SPATS2: variants seen among roughly 807,000 people sequenced by gnomAD.
SPATS2 encodes the protein spermatogenesis associated serine rich 2.
A neutral mutation model predicts 63.7 loss-of-function variants in SPATS2; 38 were observed. The ratio of observed to expected loss-of-function variants is 0.60; its 90% CI spans 0.46 to 0.78. The LOEUF is 0.78. SPATS2 is among the 30% of genes least tolerant of loss of function. SPATS2 has a pLI of 0.00. For synonymous variants in SPATS2, 207 were observed against 232.9 expected (o/e 0.89, Z 1.01); for missense variants, 588 against 666.2 (o/e 0.88, Z 1.29).
chr12:49,516,185 AT>A lies in SPATS2; in HGVS notation c.898+1573del, dbSNP rs1565760876. Among the ~76,000 whole-genome samples the A allele has an allele frequency of 1.0e-3, 105 of 101,576 alleles. 14 individuals are homozygous for A. The highest frequency in any genetic ancestry group is 2.5e-3 in the African/African-American group (73 of 29,418). 66.6% of individuals were successfully genotyped at this position (101,576 alleles called of 152,430 possible). ...AAAAAAAATATATATATATATATAT[AT>A]ATATATATATATATATATATATAAA... On this transcript the variant is annotated intron_variant, in intron 10 of 13. Transcript: ENST00000552918.
chr12:49,522,791 G>T lies in SPATS2; in HGVS notation c.1049G>T (p.Arg350Leu). ...CGTAAATATGATGAGGATCTGGGACGAGTAGCCCGGTTCACCTGTGATGTA... is the reference window on the plus strand; with the variant it reads ...CGTAAATATGATGAGGATCTGGGACTAGTAGCCCGGTTCACCTGTGATGTA... ...SERKYDEDLG[R>L]VARFTCDVET... The change falls in exon 12 of 14, where the codon CGA becomes CTA. Residue 350 changes from arginine to leucine, a missense_variant. Coordinates refer to ENST00000552918, the MANE Select transcript of SPATS2 (RefSeq NM_023071.4). The T allele has an allele frequency of 6.2e-7, 1 of 1,613,794 alleles. No homozygotes were observed. The highest frequency in any genetic ancestry group is 1.1e-5 in the South Asian group (1 of 91,054).
intron 2 of SPATS2, among the ~76,000 whole-genome samples, chr12:49,445,523 C>A (rs1193090031): frequency 2.0e-5 from 3 of 151,232 alleles, no homozygotes; most frequent in African/African-American, 7.3e-5. Flanking sequence ...TTTTCTTTAT[C>A]TTTTCTCTTT....
At chr12:49,427,749 T>G (rs1945106205) in intron 2 of SPATS2, among the ~76,000 whole-genome samples, 2 of 152,288 alleles carry the variant, frequency 1.3e-5, no homozygotes, top group Non-Finnish European at 2.9e-5. Context: ...TTCAAGAAAT[T>G]TATTACCTAA....
chr12:49,400,456 G>T (rs1353753282), intron 2 of SPATS2, among the ~76,000 whole-genome samples: 1 of 152,172 alleles, frequency 6.6e-6, no homozygotes, highest in Non-Finnish European at 1.5e-5. Flanking sequence ...TGTTTCTACA[G>T]TGCTGATGAG....
intron 2 of SPATS2, among the ~76,000 whole-genome samples, chr12:49,457,638 G>A (rs868313686): frequency 2.0e-5 from 3 of 152,036 alleles, no homozygotes; most frequent in Admixed American, 6.6e-5. Context: ...TCACCATGCC[G>A]GTCAGACTGG....
At chr12:49,504,417 G>A (rs1946620613) in intron 9 of SPATS2, among the ~76,000 whole-genome samples, 1 of 152,118 alleles carries the variant, frequency 6.6e-6, no homozygotes, top group Non-Finnish European at 1.5e-5. Flanking sequence ...CATTGTTGGA[G>A]CTGTTAGTTG....
At chr12:49,461,062 T>G (rs1945813819) in intron 3 of SPATS2, 25 bp downstream of exon 3, 1 of 1,612,642 alleles carries the variant, frequency 6.2e-7, no homozygotes, top group South Asian at 1.1e-5. Context: ...GGGCATAAAT[T>G]GTTAAAAGCA....
At chr12:49,470,072 A>G (rs1268132366) in intron 3 of SPATS2, among the ~76,000 whole-genome samples, 1 of 151,724 alleles carries the variant, frequency 6.6e-6, no homozygotes, top group Non-Finnish European at 1.5e-5. Context: ...TTTGTTGCCC[A>G]GGCTGGAGTG....
intron 2 of SPATS2, among the ~76,000 whole-genome samples, chr12:49,386,875 C>G (rs1275115296): frequency 1.3e-5 from 2 of 152,136 alleles, no homozygotes; most frequent in East Asian, 3.9e-4. Context: ...AGGACAAGAT[C>G]AGTGGAAGTG....
chr12:49,502,293 G>A (rs529720019), intron 9 of SPATS2, among the ~76,000 whole-genome samples: 2 of 152,300 alleles, frequency 1.3e-5, no homozygotes, highest in East Asian at 3.9e-4. Flanking sequence ...CAGAGGAGTA[G>A]TTAATCAAAA....
chr12:49,497,725 C>A (rs997554638), intron 8 of SPATS2, among the ~76,000 whole-genome samples: 1 of 152,042 alleles, frequency 6.6e-6, no homozygotes, highest in East Asian at 1.9e-4. Flanking sequence ...TATTTTCACT[C>A]CTCTTCATAA....
intron 6 of SPATS2, among the ~76,000 whole-genome samples, chr12:49,494,163 G>A (rs2137902283): frequency 6.6e-6 from 1 of 152,280 alleles, no homozygotes; most frequent in African/African-American, 2.4e-5. Flanking sequence ...TTACTAGATT[G>A]TCATGGAGAG....
chr12:49,473,400 G>C (rs1946071352), intron 3 of SPATS2, among the ~76,000 whole-genome samples: 1 of 152,152 alleles, frequency 6.6e-6, no homozygotes, highest in African/African-American at 2.4e-5. Flanking sequence ...CTGAGCAACA[G>C]AGCAAGACTG....
chr12:49,465,555 C>G (rs764477239), intron 3 of SPATS2, among the ~76,000 whole-genome samples: 177 of 152,140 alleles, frequency 1.2e-3, no homozygotes, highest in African/African-American at 4.1e-3. Flanking sequence ...GTCTTATTAT[C>G]GAATTCTAAG....
At chr12:49,497,968 C>T (rs1232203434) in intron 8 of SPATS2, among the ~76,000 whole-genome samples, 1 of 151,728 alleles carries the variant, frequency 6.6e-6, no homozygotes, top group Non-Finnish European at 1.5e-5. Flanking sequence ...CTCCACTAAA[C>T]AAATGAAACA....
chr12:49,436,333 G>A (rs1156653638), intron 2 of SPATS2, among the ~76,000 whole-genome samples: 2 of 122,104 alleles, frequency 1.6e-5, no homozygotes, highest in Non-Finnish European at 3.5e-5. Context: ...TCCTCACTTC[G>A]CAGTAGGGGC....
Position 49,519,056 on chromosome 12 carries a change from T to G in SPATS2, c.899-17T>G. 1 of 1,600,254 alleles carries G rather than the reference T, an allele frequency of 6.2e-7. No individual in the cohort carries two copies. Among genetic ancestry groups the G allele is most frequent in the Middle Eastern group, 1.7e-4 (1 of 6,022 alleles). ...TTTAGCAGCAACATAAGGTTCACAC[T>G]CACTTTTCCTCTACAGTGGAAATTT... is the stretch of plus-strand genomic sequence containing the variant. On this transcript the variant is annotated splice_polypyrimidine_tract_variant and intron_variant, in intron 10 of 13. Transcript: ENST00000552918.
At chr12:49,385,875 T>G (rs1370208931) in intron 2 of SPATS2, among the ~76,000 whole-genome samples, 1 of 117,136 alleles carries the variant, frequency 8.5e-6, no homozygotes, top group Non-Finnish European at 1.8e-5. Context: ...TTGTTTTTTG[T>G]TTTTTTTTTT....
intron 2 of SPATS2, among the ~76,000 whole-genome samples, chr12:49,413,518 T>A (rs1033263317): frequency 6.6e-6 from 1 of 151,908 alleles, no homozygotes; most frequent in Non-Finnish European, 1.5e-5. Flanking sequence ...AGCCACCCTA[T>A]CTTGCCAGCA....
Sources: allele counts gnomAD v4.1 joint callset (sites outside exome capture counted in the v4.1 genomes callset), GRCh38; gene constraint gnomAD v4.1.1; transcripts MANE v1.5; gene names NCBI Gene and HGNC (gene_info 2026-07-23, HGNC 2026-07-21).